SOAT1: variants seen among roughly 807,000 people sequenced by gnomAD.
SOAT1 encodes acyl-coenzyme A:cholesterol acyltransferase 1.
SOAT1 carries 55 observed loss-of-function variants against 69.5 expected under a neutral mutation model. The ratio of observed to expected loss-of-function variants is 0.79; its 90% confidence interval spans 0.64 to 0.99. The LOEUF is 0.99. Among genes scored for constraint, SOAT1 ranks in the 50% least tolerant of loss-of-function variants. The pLI is 0.00. For synonymous variants in SOAT1, 231 were observed against 224.7 expected (o/e 1.03, Z -0.25); for missense variants, 580 against 669.3 (o/e 0.87, Z 1.47).
intron 4 of SOAT1, among the ~76,000 whole-genome samples, chr1:179,336,141 G>A (rs1412484335): frequency 7.0e-6 from 1 of 142,222 alleles, no homozygotes; most frequent in East Asian, 2.2e-4. Context: ...TCCAGAGAGA[G>A]ACTCTGTCTC....
intron 2 of SOAT1, among the ~76,000 whole-genome samples, chr1:179,319,172 AT>A (rs1399098219): frequency 6.8e-6 from 1 of 147,754 alleles, no homozygotes; most frequent in Non-Finnish European, 1.5e-5. Flanking sequence ...TGTACTTTTG[AT>A]TTGAATTTTC....
Position 179,357,573 on chromosome 1 carries a change from TAC to T in SOAT1, c.*3934_*3935del, listed in dbSNP as rs75172223. 0.45 allele frequency: 68,444 copies of T among 151,962 alleles called. 15,494 individuals are homozygous for T. Among genetic ancestry groups the T allele is most frequent in the Non-Finnish European group, 0.49 (33,479 of 67,924 alleles). 9.4% of individuals were successfully genotyped at this position (151,962 alleles called of 1,614,324 possible). A position where few individuals can be genotyped will look rare whatever the true frequency, so the allele number is the denominator to read the frequency against. On this transcript the variant is annotated 3_prime_UTR_variant, in exon 16 of 16. Transcript: ENST00000367619. The stretch of plus-strand genomic sequence containing the variant: ...CATTATTAAAGTTTCTGTCAGGTAA[TAC>T]AGTGTTGGCCCTCTGTTGAAATAAA...
intron 3 of SOAT1, among the ~76,000 whole-genome samples, chr1:179,335,050 A>G (rs1247112592): frequency 6.6e-6 from 1 of 150,558 alleles, no homozygotes; most frequent in Non-Finnish European, 1.5e-5. Flanking sequence ...AAGAAAAAAG[A>G]GAACTTAGAA....
chr1:179,317,912 C>T (rs1221141087), intron 2 of SOAT1, among the ~76,000 whole-genome samples: 3 of 152,088 alleles, frequency 2.0e-5, no homozygotes, highest in Admixed American at 6.5e-5. Context: ...CTGGGCTAAG[C>T]ATGGTGACAC....
chr1:179,315,994 A>G (rs973329932), intron 2 of SOAT1, among the ~76,000 whole-genome samples: 3 of 152,204 alleles, frequency 2.0e-5, no homozygotes, highest in Admixed American at 6.5e-5. Flanking sequence ...TCTTACCCTT[A>G]TATTTCTTAA....
Position 179,348,833 on chromosome 1 carries a change from T to A in SOAT1, c.1216-11T>A. 1.4e-6 allele frequency: 2 copies of A among 1,455,382 alleles called. No individual in the cohort carries two copies. The highest frequency in any genetic ancestry group is 1.4e-5 in the African/African-American group (1 of 70,926). 90.2% of individuals were successfully genotyped at this position (1,455,382 alleles called of 1,614,324 possible). A position where few individuals can be genotyped will look rare whatever the true frequency, so the allele number is the denominator to read the frequency against. On this transcript the variant is annotated splice_polypyrimidine_tract_variant and intron_variant, in intron 12 of 15. Coordinates refer to ENST00000367619, the MANE Select transcript of SOAT1 (RefSeq NM_003101.6). ...GTGTGTGTAGTTTTATACCTTTACT[T>A]TTTCCCTCAGGATTGGTGGAACTCC... is the stretch of plus-strand genomic sequence containing the variant.
intron 2 of SOAT1, among the ~76,000 whole-genome samples, chr1:179,310,530 G>A (rs954209282): frequency 6.6e-6 from 1 of 152,130 alleles, no homozygotes; most frequent in Admixed American, 6.6e-5. Context: ...GGTCAGTGGA[G>A]CAATAGACGA....
intron 1 of SOAT1, among the ~76,000 whole-genome samples, chr1:179,299,740 G>C (rs1440186181): frequency 9.7e-6 from 1 of 103,500 alleles, no homozygotes; most frequent in African/African-American, 3.6e-5. Context: ...TAATCATTTT[G>C]CTATCTTTTT....
At chr1:179,339,313 G>T in intron 5 of SOAT1, 125 bp from the exon 6 acceptor site, 1 of 527,398 alleles carries the variant, frequency 1.9e-6, no homozygotes. Flanking sequence ...TTTTTGAGAT[G>T]TTTTTGGAGA....
intron 6 of SOAT1, among the ~76,000 whole-genome samples, chr1:179,340,643 A>G (rs987076854): frequency 6.6e-6 from 1 of 152,168 alleles, no homozygotes; most frequent in African/African-American, 2.4e-5. Context: ...CATCTTTTGT[A>G]CATAAGAACG....
rs191644010 is a variant in SOAT1, at chr1:179,352,266, G to T, written c.1596+804G>T. Reference sequence around the variant, plus strand: ...GGAGGATGGCTTTTTTTTTTTTTAAGAATTTTATTTTCAAGTAACACAGTA... The same window carrying T: ...GGAGGATGGCTTTTTTTTTTTTTAATAATTTTATTTTCAAGTAACACAGTA... On this transcript the variant is annotated intron_variant, in intron 15 of 15. Coordinates refer to ENST00000367619, the MANE Select transcript of SOAT1 (RefSeq NM_003101.6). Among the ~76,000 whole-genome samples the T allele has an allele frequency of 1.0e-4, 15 of 146,884 alleles. No homozygotes were observed. The East Asian group carries it at 2.2e-3, about 22-fold the overall frequency.
intron 1 of SOAT1, among the ~76,000 whole-genome samples, chr1:179,301,192 C>G (rs547739814): frequency 6.6e-6 from 1 of 152,176 alleles, no homozygotes; most frequent in Non-Finnish European, 1.5e-5. Flanking sequence ...CTGAGCCTCC[C>G]AAGTAGCTGG....
chr1:179,322,422 A>T (rs1257612280), intron 2 of SOAT1, among the ~76,000 whole-genome samples: 1 of 151,052 alleles, frequency 6.6e-6, no homozygotes, highest in African/African-American at 2.4e-5. Context: ...TCACTCTGTC[A>T]TCCAGGCTGG....
Position 179,351,335 on chromosome 1 carries a change from T to C in SOAT1, c.1469T>C (p.Val490Ala). 3 of 1,614,138 alleles carry C rather than the reference T, an allele frequency of 1.9e-6. No homozygotes were observed. Among genetic ancestry groups the C allele is most frequent in the Non-Finnish European group, 2.5e-6 (3 of 1,179,978 alleles). ...MFFGMAFNFI[V>A]NDSRKKPIWN... ...TTTTTAGTGGCTTTCAACTTCATTG[T>C]CAATGATAGTCGGAAAAAGCCGATT... Residue 490 changes from valine (V) to alanine (A), a missense_variant, in exon 15 of 16, where the codon GTC (valine) becomes GCC (alanine). Transcript: ENST00000367619.
rs199602168 is a variant in SOAT1, at chr1:179,302,815, T to A, written c.118+13T>A. 6.6e-5 allele frequency: 93 copies of A among 1,405,456 alleles called. No individual in the cohort carries two copies. In the African/African-American group the frequency reaches 1.2e-3, roughly 19 times the overall value. 87.1% of individuals were successfully genotyped at this position (1,405,456 alleles called of 1,614,324 possible). ...ACACCTAGTAATGGTGAGGCTTAAT[T>A]TTTTTTTTTTAGGTGAATTAGTGAA... On this transcript the variant is annotated intron_variant, in intron 2 of 15. Coordinates refer to ENST00000367619, the MANE Select transcript of SOAT1 (RefSeq NM_003101.6).
At chr1:179,352,209 T>C (rs1387052804) in intron 15 of SOAT1, among the ~76,000 whole-genome samples, 1 of 151,944 alleles carries the variant, frequency 6.6e-6, no homozygotes, top group Non-Finnish European at 1.5e-5. Context: ...CTTAGGACTT[T>C]AGTTTTTAGC....
chr1:179,301,192 C>T (rs547739814), intron 1 of SOAT1, among the ~76,000 whole-genome samples: 195 of 152,294 alleles, frequency 1.3e-3, no homozygotes, highest in African/African-American at 4.6e-3. Flanking sequence ...CTGAGCCTCC[C>T]AAGTAGCTGG....
At chr1:179,299,550 A>C (rs1366656012) in intron 1 of SOAT1, among the ~76,000 whole-genome samples, 1 of 152,152 alleles carries the variant, frequency 6.6e-6, no homozygotes, top group Non-Finnish European at 1.5e-5. Flanking sequence ...TGGTGGCCAA[A>C]GAATATTTGG....
rs780649998 is a variant in SOAT1, at chr1:179,351,476, C to G, written c.1596+14C>G. 1.2e-5 allele frequency: 19 copies of G among 1,610,912 alleles called. No homozygotes were observed. The highest frequency in any genetic ancestry group is 1.6e-5 in the Non-Finnish European group (19 of 1,179,078). ...CCTCTGAAAAATGTGAGTCACCAAC[C>G]TGGTTGGAGTGCAAAAGAACCTGTT... On this transcript the variant is annotated intron_variant, in intron 15 of 15. Transcript: ENST00000367619.
Sources: allele counts gnomAD v4.1 joint callset (sites outside exome capture counted in the v4.1 genomes callset), GRCh38; gene constraint gnomAD v4.1.1; transcripts MANE v1.5; gene names NCBI Gene and HGNC (gene_info 2026-07-23, HGNC 2026-07-21).